DNAH17: variants seen among roughly 807,000 people sequenced by gnomAD.
DNAH17 encodes the protein axonemal beta dynein heavy chain 17.
In DNAH17, 376 loss-of-function variants were observed where a neutral mutation model predicts 485.6. That is an observed-to-expected ratio of 0.77 (90% confidence interval 0.71 to 0.84). The LOEUF is 0.84. DNAH17 is among the 40% of genes least tolerant of loss of function. The pLI, the probability that DNAH17 is intolerant of heterozygous loss-of-function variation, is 0.00. For synonymous variants in DNAH17, 3,031 were observed against 2,405.9 expected (o/e 1.26, Z -7.60); for missense variants, 6,370 against 5,839.3 (o/e 1.09, Z -2.96).
chr17:78,501,656 G>T (rs955351130), intron 34 of DNAH17, 86 bp downstream of exon 34: 2 of 1,501,624 alleles, frequency 1.3e-6, no homozygotes, highest in South Asian at 2.4e-5. Context: ...AGAGGAAGTG[G>T]CAGGGTCTGA....
At chr17:78,552,536 G>C (rs541126158) in intron 15 of DNAH17, among the ~76,000 whole-genome samples, 161 bp downstream of exon 15, 1 of 148,760 alleles carries the variant, frequency 6.7e-6, no homozygotes, top group Non-Finnish European at 1.5e-5. Context: ...TTTTGCCTGG[G>C]CAGGCAGGTG....
intron 30 of DNAH17, among the ~76,000 whole-genome samples, chr17:78,505,867 A>G (rs1167212568): frequency 6.6e-6 from 1 of 152,134 alleles, no homozygotes; most frequent in Non-Finnish European, 1.5e-5. Context: ...AATCCCAGCT[A>G]CTTGGGAGGC....
chr17:78,549,481 C>T lies in DNAH17; in HGVS notation c.2391+2054G>A, dbSNP rs577415369. Among the ~76,000 whole-genome samples the T allele has an allele frequency of 2.6e-5, 4 of 152,282 alleles. No individual in the cohort carries two copies. In the South Asian group the frequency reaches 8.3e-4, roughly 32 times the overall value. Reference sequence around the variant, plus strand: ...AGAGGTGAACTTCTTCAAAACTCACCCCTGAACCCAACAACCTCAGAATTG... The same window carrying T: ...AGAGGTGAACTTCTTCAAAACTCACTCCTGAACCCAACAACCTCAGAATTG... On this transcript the variant is annotated intron_variant, in intron 16 of 80. Transcript: ENST00000389840.
At chr17:78,563,339 C>T (rs938418174) in intron 11 of DNAH17, among the ~76,000 whole-genome samples, 5 of 151,994 alleles carry the variant, frequency 3.3e-5, no homozygotes, top group South Asian at 2.1e-4. Context: ...CCTCCACGGT[C>T]GCCTGCTGAC....
At chr17:78,486,796 C>A (rs144629975) in intron 44 of DNAH17, among the ~76,000 whole-genome samples, 5 of 152,036 alleles carry the variant, frequency 3.3e-5, no homozygotes, top group Non-Finnish European at 7.3e-5. Flanking sequence ...TGCTACCACA[C>A]GGGAAGCACA....
chr17:78,434,713 G>A (rs2086802710), intron 74 of DNAH17, among the ~76,000 whole-genome samples: 1 of 152,082 alleles, frequency 6.6e-6, no homozygotes. Context: ...CTTTTTATCT[G>A]GCTCCAGGGA....
intron 37 of DNAH17, among the ~76,000 whole-genome samples, chr17:78,498,306 A>G (rs898036986): frequency 3.3e-5 from 5 of 152,098 alleles, no homozygotes; most frequent in African/African-American, 9.7e-5. Flanking sequence ...GACACCGCCA[A>G]CGCCCTGACT....
chr17:78,433,696 A>T (rs2086758651), intron 75 of DNAH17, among the ~76,000 whole-genome samples: 1 of 152,048 alleles, frequency 6.6e-6, no homozygotes, highest in Non-Finnish European at 1.5e-5. Flanking sequence ...TTCTGGGGGA[A>T]TCCTCATCCA....
Position 78,450,698 on chromosome 17 carries a change from C to CT in DNAH17, c.10882dup (p.Ser3628LysfsTer16), listed in dbSNP as rs1307978824. 3 of 1,613,548 alleles carry CT rather than the reference C, an allele frequency of 1.9e-6. No homozygotes were observed. Among genetic ancestry groups the CT allele is most frequent in the Non-Finnish European group, 1.7e-6 (2 of 1,179,754 alleles). ...AGCTCTGACCTTCTCCTCGATCTCG[C>CT]TGGCTGTGTGCTTGGTGGTCTCCAG... On this transcript the variant is annotated frameshift_variant, in exon 67 of 81. Transcript: ENST00000389840. LOFTEE classifies it high-confidence loss of function.
chr17:78,498,640 C>T (rs1223297243), intron 37 of DNAH17, among the ~76,000 whole-genome samples: 1 of 152,230 alleles, frequency 6.6e-6, no homozygotes, highest in African/African-American at 2.4e-5. Context: ...CCTCCTCTTC[C>T]TCCCTCTCCC....
chr17:78,439,291 C>T, intron 72 of DNAH17, 74 bp from the exon 73 acceptor site: 1 of 1,487,272 alleles, frequency 6.7e-7, no homozygotes, highest in Non-Finnish European at 9.0e-7. Flanking sequence ...GATCTACAGC[C>T]AGGAATTCCA....
At position 78,566,639 on chromosome 17, in the gene DNAH17, C is replaced by T. The variant is rs1482922773; in HGVS notation, c.1544G>A (p.Cys515Tyr). The T allele has an allele frequency of 1.2e-6, 2 of 1,609,332 alleles. No individual in the cohort carries two copies. Among genetic ancestry groups the T allele is most frequent in the African/African-American group, 1.3e-5 (1 of 74,986 alleles). Residue 515 changes from cysteine to tyrosine, a missense_variant, in exon 11 of 81, where the codon TGC (cysteine) becomes TAC (tyrosine). Physicochemically the swap from Cys to Tyr is radical, Grantham distance 194. Coordinates refer to ENST00000389840, the MANE Select transcript of DNAH17 (RefSeq NM_173628.4). ...CTTTGCGGAGGACTTGATACAGCTG[C>T]AGTCATCAAATCCTTGGCAAAAGAT... ...ATIFCQGFDD[C>Y]SCIKSSAKLL... is the part of the protein sequence containing the mutation.
chr17:78,551,543 C>T lies in DNAH17; in HGVS notation c.2383G>A (p.Ala795Thr), dbSNP rs769888191. ...CTCTGCCCCTTGCTTACCTTCATAGCCTGGGAAATTCCTTCTATATTTTGT... is the reference window on the plus strand; with the variant it reads ...CTCTGCCCCTTGCTTACCTTCATAGTCTGGGAAATTCCTTCTATATTTTGT... The part of the protein sequence containing the change: ...AKQNIEGISQ[A>T]MKDWSANPLF... The change falls in exon 16 of 81, where the codon GCT becomes ACT. Residue 795 changes from alanine to threonine, a missense_variant. Physicochemically the swap from Ala to Thr is moderately conservative, Grantham distance 58. Coordinates refer to ENST00000389840, the MANE Select transcript of DNAH17 (RefSeq NM_173628.4). 15 of 1,613,878 alleles carry T rather than the reference C, an allele frequency of 9.3e-6. No homozygotes were observed. The South Asian group carries it at 1.5e-4, about 17-fold the overall frequency.
At chr17:78,516,535 CA>C (rs879837508) in intron 25 of DNAH17, among the ~76,000 whole-genome samples, 6 of 151,932 alleles carry the variant, frequency 3.9e-5, no homozygotes, top group Non-Finnish European at 7.4e-5. Context: ...AAAAAAAATA[CA>C]AAAATTAGCC....
chr17:78,501,057 G>T, intron 35 of DNAH17, 127 bp downstream of exon 35: 1 of 1,136,352 alleles, frequency 8.8e-7, no homozygotes, highest in Non-Finnish European at 1.2e-6. Flanking sequence ...TGTGAACACA[G>T]GTCCACCTGA....
chr17:78,425,674 G>A (rs962607491), intron 79 of DNAH17, 103 bp from the exon 80 acceptor site: 9 of 1,042,820 alleles, frequency 8.6e-6, no homozygotes, highest in East Asian at 7.9e-5. Context: ...ACCTTCCACG[G>A]GCCACTCAGC....
In DNAH17 at chr17:78,428,666, A is replaced by T; in HGVS notation, c.12447T>A (p.Ser4149Arg). Residue 4149 changes from serine (S) to arginine (R), a missense_variant, in exon 77 of 81, where the codon AGT becomes AGA. Ser to Arg is a moderately radical substitution (Grantham distance 110). Transcript: ENST00000389840. The part of the protein sequence containing the change: ...EYIDENLPPE[S>R]PYLYGLHPNA... ...TGGGGTGCAGGCCATACAGATAGGG[A>T]CTCTCAGGGGGCAGGTTCTCATCGA... is the stretch of plus-strand genomic sequence containing the variant. The T allele has an allele frequency of 6.2e-7, 1 of 1,613,584 alleles. No homozygotes were observed. Among genetic ancestry groups the T allele is most frequent in the Non-Finnish European group, 8.5e-7 (1 of 1,179,786 alleles).
At chr17:78,490,661 G>A in intron 44 of DNAH17, 38 bp downstream of exon 44, 1 of 1,574,494 alleles carries the variant, frequency 6.4e-7, no homozygotes, top group African/African-American at 1.3e-5. Context: ...GTTTTTCCCT[G>A]CCGAGGTTTG....
chr17:78,544,103 T>C, intron 16 of DNAH17, 106 bp from the exon 17 acceptor site: 1 of 1,507,966 alleles, frequency 6.6e-7, no homozygotes, highest in Non-Finnish European at 9.0e-7. Flanking sequence ...TGCTGCCTGA[T>C]CTTGGATTGG....
Sources: allele counts gnomAD v4.1 joint callset (sites outside exome capture counted in the v4.1 genomes callset), GRCh38; gene constraint gnomAD v4.1.1; transcripts MANE v1.5; gene names NCBI Gene and HGNC (gene_info 2026-07-23, HGNC 2026-07-21).